The following ZNF324B variants were observed in gnomAD, a reference collection of about 807,000 sequenced individuals.
ZNF324B encodes the protein zinc finger protein 324B.
A neutral mutation model predicts 10.6 loss-of-function variants in ZNF324B; 7 were observed. That is an observed-to-expected ratio of 0.66 (90% CI 0.38 to 1.24). The LOEUF (loss-of-function observed/expected upper bound fraction) is 1.24, where lower values mean the gene tolerates loss of function less well. ZNF324B is among the 50% of genes most tolerant of loss of function. The pLI, the probability that ZNF324B is intolerant of heterozygous loss-of-function variation, is 0.02. For synonymous variants in ZNF324B, 316 were observed against 321.0 expected (o/e 0.98, Z 0.17); for missense variants, 640 against 764.7 (o/e 0.84, Z 1.92).
rs1308443384 is a variant in ZNF324B, at chr19:58,453,740, G to T, written c.39G>T (p.Glu13Asp). 1 of 1,614,216 alleles carries T rather than the reference G, an allele frequency of 6.2e-7. No homozygotes were observed. Among genetic ancestry groups the T allele is most frequent in the South Asian group, 1.1e-5 (1 of 91,090 alleles). Residue 13 changes from glutamate to aspartate, a missense_variant, in exon 2 of 4, where the codon GAG becomes GAT. Transcript: ENST00000336614. ...ATGTGGCCGTGTACTTCTCCCAGGA[G>T]GAGTGGGGGCTCCTGGACACAGCGC... ...FEDVAVYFSQ[E>D]EWGLLDTAQR... is the part of the protein sequence containing the mutation.
chr19:58,427,405 TC>T, the ZNF324B span, among the ~76,000 whole-genome samples: 98 of 23,472 alleles, frequency 4.2e-3, 2 homozygotes, highest in African/African-American at 0.015. Flanking sequence ...TTTCTTTCTT[TC>T]CTTCCTTCCT....
At position 58,455,616 on chromosome 19, in the gene ZNF324B, G is replaced by A. The variant is rs150414362; in HGVS notation, c.672G>A (p.Met224Ile). 4 of 1,614,038 alleles carry A rather than the reference G, an allele frequency of 2.5e-6. No homozygotes were observed. The highest frequency in any genetic ancestry group is 3.3e-5 in the Admixed American group (2 of 60,022). Residue 224 changes from methionine (M) to isoleucine (I), a missense_variant, in exon 4 of 4, where the codon ATG becomes ATA. Physicochemically the swap from Met to Ile is conservative, Grantham distance 10. Transcript: ENST00000336614. The surrounding 1 kb of genome is among the most constrained non-coding windows in gnomAD (Gnocchi z 7.0). ...CCAGTGGTGGCAGGGATCGCAGAAT[G>A]GGCGCAGCTTGGCAGGAGCCTCATA... ...KAASGGRDRRMGAAWQEPHRL... is the reference protein window; with the variant it reads ...KAASGGRDRRIGAAWQEPHRL...
rs764211647 is a variant in ZNF324B at position 58,455,821 on chromosome 19, G to T, written c.877G>T (p.Ala293Ser). ...CTACGAGTGCACCCAGTGCGGCAAG[G>T]CCTTCAGCCAGACGTCGCACTTGAC... Reference protein sequence around the residue: ...RPYECTQCGKAFSQTSHLTQH... With the variant: ...RPYECTQCGKSFSQTSHLTQH... Residue 293 changes from alanine (A) to serine (S), a missense_variant, in exon 4 of 4, where the codon GCC becomes TCC. Physicochemically the swap from Ala to Ser is moderately conservative, Grantham distance 99 (BLOSUM62 1). Transcript: ENST00000336614. The surrounding 1 kb of genome is among the most constrained non-coding windows in gnomAD (Gnocchi z 7.0). The T allele has an allele frequency of 4.3e-6, 7 of 1,613,990 alleles. No homozygotes were observed. The South Asian group carries it at 7.7e-5, about 18-fold the overall frequency.
chr19:58,422,229 T>C, the ZNF324B span, among the ~76,000 whole-genome samples: 2 of 152,268 alleles, frequency 1.3e-5, no homozygotes, highest in African/African-American at 4.8e-5. Flanking sequence ...CATCCCGTCA[T>C]GGCAGAAACT....
rs772569398 is a variant in ZNF324B at position 58,456,195 on chromosome 19, C to T, written c.1251C>T (p.Arg417=). The change falls in exon 4 of 4, where the codon CGC becomes CGT. Residue 417 remains arginine, a synonymous_variant. Transcript: ENST00000336614. This position sits in a 1 kb window ranked among gnomAD's most constrained non-coding sequence, Gnocchi z 4.7. The part of the protein sequence containing the change: ...SQGSSLFLHQ[R]VHTGEKPFAC... ...GCTCCTCGCTCTTTTTGCACCAGCG[C>T]GTGCACACAGGCGAGAAGCCCTTCG... is the stretch of plus-strand genomic sequence containing the variant. 4.3e-6 allele frequency: 7 copies of T among 1,613,178 alleles called. No homozygotes were observed. In the South Asian group the frequency reaches 5.5e-5, roughly 13 times the overall value.
chr19:58,453,872 T>G, intron 2 of ZNF324B, 50 bp downstream of exon 2: 1 of 1,588,740 alleles, frequency 6.3e-7, no homozygotes, highest in Non-Finnish European at 8.6e-7. Context: ...CAATCAGGAC[T>G]GCCTCTTCAC....
At chr19:58,448,979 A>T (rs2052839137), upstream of ZNF324B, among the ~76,000 whole-genome samples, 9 of 152,386 alleles carry the variant, frequency 5.9e-5, no homozygotes, top group South Asian at 1.9e-3. Flanking sequence ...AAATATCTCC[A>T]GGACATGTCA....
At chr19:58,424,019 C>A in the ZNF324B span, among the ~76,000 whole-genome samples, 1 of 151,652 alleles carries the variant, frequency 6.6e-6, no homozygotes, top group South Asian at 2.1e-4. Flanking sequence ...GCGGACGGAT[C>A]ACCAGAGGTC....
At chr19:58,449,722 A>AT (rs1470065974), upstream of ZNF324B, among the ~76,000 whole-genome samples, 2 of 152,120 alleles carry the variant, frequency 1.3e-5, no homozygotes, top group Non-Finnish European at 2.9e-5. Context: ...AATTTCTCCC[A>AT]TTTGGAATGG....
the ZNF324B span, chr19:58,429,929 C>T: frequency 1.3e-5 from 2 of 152,300 alleles, no homozygotes; most frequent in Admixed American, 1.3e-4. Flanking sequence ...TGATCTCTGC[C>T]CTCTGGTATT....
chr19:58,435,749 A>G, the ZNF324B span: 1 of 155,882 alleles, frequency 6.4e-6, no homozygotes. Flanking sequence ...CCACACAAAA[A>G]TGTGTACAGG....
chr19:58,432,044 G>C, the ZNF324B span, among the ~76,000 whole-genome samples: 2 of 152,170 alleles, frequency 1.3e-5, no homozygotes, highest in Non-Finnish European at 2.9e-5. Flanking sequence ...TGGATCTCTA[G>C]CTCCTTCTAA....
the ZNF324B span, chr19:58,445,592 G>T: frequency 4.4e-6 from 2 of 457,112 alleles, no homozygotes; most frequent in Non-Finnish European, 8.6e-6. Flanking sequence ...AAGGCAGGGG[G>T]ATCACCTGAG....
chr19:58,453,706 C>T lies in ZNF324B; in HGVS notation c.5C>T (p.Thr2Ile). Residue 2 changes from threonine (T) to isoleucine (I), a missense_variant, in exon 2 of 4, where the codon ACC becomes ATC. Around this residue, in one of 3 missense-constraint regions of ZNF324B, gnomAD observed 345 missense variants for 387.9 expected, o/e 0.89. Transcript: ENST00000336614. MTFEDVAVYFSQ... is the reference protein window; with the variant it reads MIFEDVAVYFSQ... ...TCCCTGCTGTTTTAGGACCTGATGACCTTCGAGGATGTGGCCGTGTACTTC... is the reference window on the plus strand; with the variant it reads ...TCCCTGCTGTTTTAGGACCTGATGATCTTCGAGGATGTGGCCGTGTACTTC... The T allele has an allele frequency of 6.2e-7, 1 of 1,614,202 alleles. No individual in the cohort carries two copies. The highest frequency in any genetic ancestry group is 1.1e-5 in the South Asian group (1 of 91,088).
rs746149394 is a variant in ZNF324B at position 58,455,431 on chromosome 19, A to G, written c.487A>G (p.Thr163Ala). 16 of 1,613,964 alleles carry G rather than the reference A, an allele frequency of 9.9e-6. 1 individual carries two copies. The South Asian group carries it at 1.8e-4, about 18-fold the overall frequency. ...CCAGGCCAGCATCAGCCTGCGACTG[A>G]CCTCCCCACTCAGGCCCCCCAAGAG... Reference protein sequence around the residue: ...SDQASISLRLTSPLRPPKSSR... With the variant: ...SDQASISLRLASPLRPPKSSR... Residue 163 changes from threonine (T) to alanine (A), a missense_variant, in exon 4 of 4, where the codon ACC becomes GCC. Thr to Ala is a moderately conservative substitution (Grantham distance 58, BLOSUM62 0). This residue lies in a region of ZNF324B where 345 missense variants were observed against 387.9 expected (regional missense o/e 0.89). Coordinates refer to ENST00000336614, the MANE Select transcript of ZNF324B (RefSeq NM_207395.3). This position sits in a 1 kb window ranked among gnomAD's most constrained non-coding sequence, Gnocchi z 7.0.
chr19:58,456,698 CG>C lies in ZNF324B; in HGVS notation c.*120del. On this transcript the variant is annotated 3_prime_UTR_variant, in exon 4 of 4. Coordinates refer to ENST00000336614, the MANE Select transcript of ZNF324B (RefSeq NM_207395.3). This position sits in a 1 kb window ranked among gnomAD's most constrained non-coding sequence, Gnocchi z 4.7. ...AAGCTCTGTGCCTGAGAGTCAGGGACGAGGGAGACCCTTTGGCTGTGGTTCC... is the reference window on the plus strand; with the variant it reads ...AAGCTCTGTGCCTGAGAGTCAGGGACAGGGAGACCCTTTGGCTGTGGTTCC... 2 of 1,279,424 alleles carry C rather than the reference CG, an allele frequency of 1.6e-6. No individual in the cohort carries two copies. The highest frequency in any genetic ancestry group is 2.1e-6 in the Non-Finnish European group (2 of 942,492). The allele number at this position is 1,279,424 out of a possible 1,614,324, so 79.3% of individuals were successfully genotyped here. A position where few individuals can be genotyped will look rare whatever the true frequency, so the allele number is the denominator to read the frequency against.
At chr19:58,446,975 TTC>T (rs993278964), upstream of ZNF324B, among the ~76,000 whole-genome samples, 11 of 151,814 alleles carry the variant, frequency 7.2e-5, no homozygotes, top group Non-Finnish European at 1.0e-4. Flanking sequence ...TTCTTTTCTT[TTC>T]TCTCTTTCTT....
At position 58,454,248 on chromosome 19, in the gene ZNF324B, C is replaced by T. The variant is rs1436003381; in HGVS notation, c.142C>T (p.Arg48Cys). The T allele has an allele frequency of 3.1e-6, 5 of 1,613,928 alleles. No individual in the cohort carries two copies. The highest frequency in any genetic ancestry group is 1.1e-5 in the South Asian group (1 of 91,082). Reference sequence around the variant, plus strand: ...CACAGGACTCTCTACCTCCCGACCTCGTGTGGTCATTCAACTTGAGCGTGG... The same window carrying T: ...CACAGGACTCTCTACCTCCCGACCTTGTGTGGTCATTCAACTTGAGCGTGG... ...TSLGLSTSRP[R>C]VVIQLERGEE... Residue 48 changes from arginine (R) to cysteine (C), a missense_variant, in exon 3 of 4, where the codon CGT becomes TGT. Arg to Cys is a radical substitution (Grantham distance 180). Around this residue, in one of 3 missense-constraint regions of ZNF324B, gnomAD observed 345 missense variants for 387.9 expected, o/e 0.89. Coordinates refer to ENST00000336614, the MANE Select transcript of ZNF324B (RefSeq NM_207395.3).
chr19:58,453,889 C>G, intron 2 of ZNF324B, 67 bp downstream of exon 2: 1 of 1,569,914 alleles, frequency 6.4e-7, no homozygotes. Flanking sequence ...TCACTTCCCT[C>G]CTGGTTGATG....
Sources: allele counts gnomAD v4.1 joint callset (sites outside exome capture counted in the v4.1 genomes callset), GRCh38; gene constraint gnomAD v4.1.1; regional missense constraint gnomAD v4.1.1; non-coding constraint Gnocchi (gnomAD v3.1); transcripts MANE v1.5; gene names NCBI Gene and HGNC (gene_info 2026-07-23, HGNC 2026-07-21).